ZNF654: variants seen among roughly 807,000 people sequenced by gnomAD.
ZNF654 encodes the protein melanoma-associated antigen.
Under a neutral mutation model 95.3 loss-of-function variants are expected in ZNF654, and 19 were observed. The observed-to-expected ratio is 0.20, with a 90% confidence interval of 0.14 to 0.29. The LOEUF is 0.29. Among genes scored for constraint, ZNF654 ranks in the 10% least tolerant of loss-of-function variants. The pLI is 1.00. For synonymous variants in ZNF654, 413 were observed against 457.9 expected, an observed-to-expected ratio of 0.90 and a Z score of 1.25; for missense variants, 1,046 against 1,341.0, an observed-to-expected ratio of 0.78 and a Z score of 3.44.
Position 88,138,840 on chromosome 3 carries a change from C to G in ZNF654, c.1171C>G (p.Leu391Val). The G allele has an allele frequency of 8.1e-7, 1 of 1,231,926 alleles. No individual in the cohort carries two copies. The highest frequency in any genetic ancestry group is 1.0e-6 in the Non-Finnish European group (1 of 987,900). 76.3% of individuals were successfully genotyped at this position (1,231,926 alleles called of 1,614,324 possible). A position where few individuals can be genotyped will look rare whatever the true frequency, so the allele number is the denominator to read the frequency against. ...AHFLPNDLEI[L>V]RICALSIFFL... ...TTTTTTGCCAAATGATTTGGAGATC[C>G]TCAGGATTTGTGCACTCTCAATATT... Residue 391 changes from leucine (L) to valine (V), a missense_variant, in exon 8 of 9, where the codon CTC (leucine) becomes GTC (valine). Physicochemically the swap from Leu to Val is conservative, Grantham distance 32 (BLOSUM62 1). Around this residue, in one of 9 missense-constraint regions of ZNF654, gnomAD observed 78 missense variants for 154.2 expected, o/e 0.51. Coordinates refer to ENST00000636215, the MANE Select transcript of ZNF654 (RefSeq NM_001350134.2).
chr3:88,144,238 AACC>A lies in ZNF654; in HGVS notation c.*2591_*2593del, dbSNP rs1707253280. 1 of 152,276 alleles carries A rather than the reference AACC, an allele frequency of 6.6e-6. No homozygotes were observed. Among genetic ancestry groups the A allele is most frequent in the African/African-American group, 2.4e-5 (1 of 41,410 alleles). 9.4% of individuals were successfully genotyped at this position (152,276 alleles called of 1,614,324 possible). A position where few individuals can be genotyped will look rare whatever the true frequency, so the allele number is the denominator to read the frequency against. ...GCTTTAGCCATATTCATTTTTTTGA[AACC>A]ACCAATTATATAATACTTAAATAAT... On this transcript the variant is annotated 3_prime_UTR_variant, in exon 9 of 9. Coordinates refer to ENST00000636215, the MANE Select transcript of ZNF654 (RefSeq NM_001350134.2).
rs1349995802 is a variant in ZNF654, at chr3:88,138,857, C to G, written c.1188C>G (p.Leu396=). The change falls in exon 8 of 9, where the codon CTC becomes CTG. Residue 396 remains leucine, a synonymous_variant. Transcript: ENST00000636215. ...NDLEILRICA[L]SIFFLERSLE... ...TGGAGATCCTCAGGATTTGTGCACT[C>G]TCAATATTTTTTCTGGAGCGCTCCT... is the stretch of plus-strand genomic sequence containing the variant. 5.7e-6 allele frequency: 7 copies of G among 1,232,006 alleles called. No individual in the cohort carries two copies. The East Asian group carries it at 2.2e-4, about 39-fold the overall frequency. 76.3% of individuals were successfully genotyped at this position (1,232,006 alleles called of 1,614,324 possible). A position where few individuals can be genotyped will look rare whatever the true frequency, so the allele number is the denominator to read the frequency against.
chr3:88,099,883 G>C (rs185393686), intron 2 of ZNF654, among the ~76,000 whole-genome samples: 12 of 152,084 alleles, frequency 7.9e-5, no homozygotes, highest in Admixed American at 3.9e-4. Flanking sequence ...AGAAGAAAAC[G>C]TAGGCAATAC....
rs768923325 is a variant in ZNF654 at position 88,139,499 on chromosome 3, T to C, written c.1830T>C (p.Asp610=). Residue 610 remains aspartate (D), a synonymous_variant, in exon 8 of 9, where the codon GAT becomes GAC. Transcript: ENST00000636215. ...RQQIAAAQQD[D]QEVTALEEIN... ...AAATTGCTGCAGCTCAACAGGATGA[T>C]CAGGAAGTCACTGCTTTGGAAGAAA... 2.0e-5 allele frequency: 32 copies of C among 1,613,612 alleles called. No individual in the cohort carries two copies. Among genetic ancestry groups the C allele is most frequent in the Non-Finnish European group, 2.6e-5 (31 of 1,179,744 alleles).
intron 2 of ZNF654, among the ~76,000 whole-genome samples, chr3:88,094,058 G>A (rs1703904346): frequency 1.3e-5 from 2 of 151,094 alleles, no homozygotes; most frequent in South Asian, 2.1e-4. Flanking sequence ...AATCTAGGTC[G>A]TCTAGCGTTC....
Position 88,144,101 on chromosome 3 carries a change from C to G in ZNF654, c.*2449C>G, listed in dbSNP as rs1469645615. 1 of 152,216 alleles carries G rather than the reference C, an allele frequency of 6.6e-6. No homozygotes were observed. The highest frequency in any genetic ancestry group is 1.5e-5 in the Non-Finnish European group (1 of 67,766). The allele number at this position is 152,216 out of a possible 1,614,324, so 9.4% of individuals were successfully genotyped here. The stretch of plus-strand genomic sequence containing the variant: ...CTTCAAAAAATTAAATGTTAAATTT[C>G]TGCTGTGTGTCAGTAAGGTGAAGAA... On this transcript the variant is annotated 3_prime_UTR_variant, in exon 9 of 9. Transcript: ENST00000636215.
intron 1 of ZNF654, among the ~76,000 whole-genome samples, chr3:88,072,233 C>A (rs138409269): frequency 6.6e-5 from 10 of 152,252 alleles, no homozygotes; most frequent in East Asian, 1.9e-4. Flanking sequence ...TGACCCTGAT[C>A]CAAACTATAG....
At chr3:88,132,802 A>C (rs1282653290) in intron 6 of ZNF654, among the ~76,000 whole-genome samples, 2 of 152,218 alleles carry the variant, frequency 1.3e-5, no homozygotes, top group East Asian at 3.8e-4. Context: ...TTTATGTGTA[A>C]GAAAACTGTA....
intron 1 of ZNF654, among the ~76,000 whole-genome samples, chr3:88,061,113 C>T (rs1025488297): frequency 2.6e-5 from 4 of 151,926 alleles, no homozygotes; most frequent in African/African-American, 7.3e-5. Flanking sequence ...GTAACTATAC[C>T]TTTTACATCT....
chr3:88,098,824 T>C (rs1392372779), intron 2 of ZNF654, among the ~76,000 whole-genome samples: 1 of 152,194 alleles, frequency 6.6e-6, no homozygotes, highest in East Asian at 1.9e-4. Context: ...TAGGTATTGA[T>C]GGGACCTATC....
Position 88,129,027 on chromosome 3 carries a change from A to G in ZNF654, c.753+16A>G, listed in dbSNP as rs780099153. 5 of 1,514,652 alleles carry G rather than the reference A, an allele frequency of 3.3e-6. No homozygotes were observed. The highest frequency in any genetic ancestry group is 1.2e-5 in the South Asian group (1 of 80,098). The allele number at this position is 1,514,652 out of a possible 1,614,324, so 93.8% of individuals were successfully genotyped here. A position where few individuals can be genotyped will look rare whatever the true frequency, so the allele number is the denominator to read the frequency against. ...ATTCCGGGAGGTATTGTTTGAGACT[A>G]TTTTTGCCTATTACCATTTTAACCC... On this transcript the variant is annotated intron_variant, in intron 5 of 8. Coordinates refer to ENST00000636215, the MANE Select transcript of ZNF654 (RefSeq NM_001350134.2).
chr3:88,140,941 T>C lies in ZNF654; in HGVS notation c.3272T>C (p.Leu1091Ser). Residue 1091 changes from leucine to serine, a missense_variant, in exon 8 of 9, where the codon TTA becomes TCA. By Grantham distance (145) the Leu-to-Ser change is moderately radical. This residue lies in a region of ZNF654 where 59 missense variants were observed against 73.0 expected (regional missense o/e 0.81). Coordinates refer to ENST00000636215, the MANE Select transcript of ZNF654 (RefSeq NM_001350134.2). Reference sequence around the variant, plus strand: ...GTGTATAAAAAATCAGTGAAAAGATTAAGATGTGGCAAATGCCTGACCACC... The same window carrying C: ...GTGTATAAAAAATCAGTGAAAAGATCAAGATGTGGCAAATGCCTGACCACC... ...DNVYKKSVKR[L>S]RCGKCLTTYC... 1 of 1,613,496 alleles carries C rather than the reference T, an allele frequency of 6.2e-7. No homozygotes were observed. The highest frequency in any genetic ancestry group is 1.3e-5 in the African/African-American group (1 of 75,006).
Position 88,129,544 on chromosome 3 carries a change from A to C in ZNF654, c.754-143A>C, listed in dbSNP as rs1251420215. On this transcript the variant is annotated intron_variant, in intron 5 of 8. Coordinates refer to ENST00000636215, the MANE Select transcript of ZNF654 (RefSeq NM_001350134.2). ...TACAGTGAAACTATGAAACCATGAA[A>C]ATATTTCTGTACAAGTCATCATTGT... 9 of 655,010 alleles carry C rather than the reference A, an allele frequency of 1.4e-5. No individual in the cohort carries two copies. In the Admixed American group the frequency reaches 1.5e-4, roughly 11 times the overall value. The allele number at this position is 655,010 out of a possible 1,614,324, so 40.6% of individuals were successfully genotyped here. A position where few individuals can be genotyped will look rare whatever the true frequency, so the allele number is the denominator to read the frequency against.
chr3:88,141,157 G>C (rs1707105904), intron 8 of ZNF654, 109 bp downstream of exon 8: 1 of 1,262,824 alleles, frequency 7.9e-7, no homozygotes, highest in Non-Finnish European at 1.1e-6. Context: ...TGTAGCACAG[G>C]TAGTGAAGCA....
intron 2 of ZNF654, among the ~76,000 whole-genome samples, chr3:88,089,210 GC>G (rs1230460314): frequency 3.8e-4 from 43 of 111,710 alleles, no homozygotes; most frequent in Non-Finnish European, 6.4e-4. Flanking sequence ...AAAAAAAAAA[GC>G]CCGGGTGCGG....
At chr3:88,063,312 C>T (rs1706993960) in intron 1 of ZNF654, among the ~76,000 whole-genome samples, 1 of 152,002 alleles carries the variant, frequency 6.6e-6, no homozygotes, top group African/African-American at 2.4e-5. Flanking sequence ...TGCGTAATGC[C>T]GATATAAATG....
At chr3:88,067,859 G>T (rs1707289234) in intron 1 of ZNF654, among the ~76,000 whole-genome samples, 1 of 151,982 alleles carries the variant, frequency 6.6e-6, no homozygotes, top group Non-Finnish European at 1.5e-5. Flanking sequence ...AGGCATTGTG[G>T]ATTGAAGGTA....
At chr3:88,087,136 T>C (rs141730775) in intron 2 of ZNF654, among the ~76,000 whole-genome samples, 2,008 of 151,778 alleles carry the variant, frequency 0.013, 37 homozygotes, top group African/African-American at 0.045. Context: ...CGGAGTGCAG[T>C]GGTGTGATCT....
intron 1 of ZNF654, among the ~76,000 whole-genome samples, chr3:88,063,212 A>C (rs2107586496): frequency 6.6e-6 from 1 of 152,288 alleles, no homozygotes; most frequent in East Asian, 1.9e-4. Flanking sequence ...CTCTAACAAC[A>C]AAGAATTATC....
Sources: gnomAD v4.1 joint callset for allele counts (sites outside exome capture counted in the v4.1 genomes callset) on GRCh38, gnomAD v4.1.1 for gene constraint, gnomAD v4.1.1 regional missense constraint, MANE v1.5 for transcripts, NCBI Gene and HGNC (gene_info 2026-07-23, HGNC 2026-07-21) for gene names.